RORB: variants seen among roughly 807,000 people sequenced by gnomAD.
RORB encodes nuclear receptor ROR-beta.
Under a neutral mutation model 59.1 loss-of-function variants are expected in RORB, and 6 were observed. The observed-to-expected ratio is 0.10, with a 90% confidence interval of 0.06 to 0.20. The LOEUF (loss-of-function observed/expected upper bound fraction) is 0.20, where lower values mean the gene tolerates loss of function less well. Among genes scored for constraint, RORB ranks in the 10% least tolerant of loss-of-function variants. The pLI, the probability that RORB is intolerant of heterozygous loss-of-function variation, is 1.00. For missense variants in RORB, 320 were observed against 560.5 expected, an observed-to-expected ratio of 0.57 and a Z score of 4.33; for synonymous variants, 215 against 204.5, an observed-to-expected ratio of 1.05 and a Z score of -0.44.
At chr9:74,603,120 G>A (rs571283946) in intron 1 of RORB, among the ~76,000 whole-genome samples, 1 of 152,282 alleles carries the variant, frequency 6.6e-6, no homozygotes, top group East Asian at 1.9e-4. Context: ...AGCTCTATTT[G>A]ATACATGATC....
chr9:74,658,394 T>G (rs917249450), intron 4 of RORB, among the ~76,000 whole-genome samples: 5 of 152,206 alleles, frequency 3.3e-5, no homozygotes, highest in Non-Finnish European at 7.3e-5. Flanking sequence ...CCCACGTATT[T>G]ATTGTACCTA....
At chr9:74,616,078 A>G (rs1361064070) in intron 1 of RORB, among the ~76,000 whole-genome samples, 1 of 152,190 alleles carries the variant, frequency 6.6e-6, no homozygotes, top group Non-Finnish European at 1.5e-5. Flanking sequence ...ATATGTAAAA[A>G]ATATATTTTC....
chr9:74,600,558 T>C (rs1237396247), intron 1 of RORB, among the ~76,000 whole-genome samples: 1 of 152,200 alleles, frequency 6.6e-6, no homozygotes, highest in Non-Finnish European at 1.5e-5. Context: ...TCATTTCAGA[T>C]CTTCCTCTGA....
intron 1 of RORB, among the ~76,000 whole-genome samples, chr9:74,524,014 T>TC (rs1826119743): frequency 6.6e-6 from 1 of 150,944 alleles, no homozygotes; most frequent in Non-Finnish European, 1.5e-5. Context: ...TTTTTTTTTT[T>TC]TTTTTTTTTA....
At chr9:74,657,174 T>C (rs1053377886) in intron 4 of RORB, among the ~76,000 whole-genome samples, 1 of 152,196 alleles carries the variant, frequency 6.6e-6, no homozygotes, top group Non-Finnish European at 1.5e-5. Context: ...GCCTCTTGAG[T>C]AGCTGGAATT....
intron 1 of RORB, among the ~76,000 whole-genome samples, chr9:74,520,192 T>C (rs1004116091): frequency 6.6e-6 from 1 of 151,814 alleles, no homozygotes; most frequent in African/African-American, 2.4e-5. Flanking sequence ...GTGGGAGGGA[T>C]AGGACCAGAC....
intron 1 of RORB, among the ~76,000 whole-genome samples, chr9:74,549,573 G>T (rs933438441): frequency 1.1e-5 from 1 of 87,030 alleles, no homozygotes; most frequent in South Asian, 4.1e-4. Context: ...AGGAAGGAAG[G>T]AAGGAAGGAA....
At chr9:74,660,840 T>A in intron 5 of RORB, 102 bp downstream of exon 5, 2 of 1,233,906 alleles carry the variant, frequency 1.6e-6, no homozygotes, top group Non-Finnish European at 2.2e-6. Context: ...TTCTTTTCTG[T>A]AAGGGCATCC....
chr9:74,503,861 G>A (rs1047162567), intron 1 of RORB, among the ~76,000 whole-genome samples: 4 of 151,948 alleles, frequency 2.6e-5, no homozygotes, highest in Non-Finnish European at 1.5e-5. Flanking sequence ...CTTTCATAGC[G>A]CATATGCTGC....
intron 1 of RORB, among the ~76,000 whole-genome samples, chr9:74,611,064 T>C (rs576245980): frequency 6.6e-6 from 1 of 152,302 alleles, no homozygotes; most frequent in African/African-American, 2.4e-5. Context: ...GTTGGAGAAC[T>C]TTTCTGTCCC....
intron 1 of RORB, among the ~76,000 whole-genome samples, chr9:74,579,816 C>A (rs1257833707): frequency 3.3e-5 from 5 of 152,132 alleles, no homozygotes; most frequent in Admixed American, 1.3e-4. Flanking sequence ...CTTATCTGAC[C>A]ACAGAACATT....
At chr9:74,516,432 G>A (rs1826011578) in intron 1 of RORB, among the ~76,000 whole-genome samples, 1 of 151,958 alleles carries the variant, frequency 6.6e-6, no homozygotes, top group Admixed American at 6.6e-5. Flanking sequence ...GTTCTCACTG[G>A]GAAGCAGAGA....
intron 1 of RORB, among the ~76,000 whole-genome samples, chr9:74,514,708 T>A (rs1219953732): frequency 2.0e-5 from 3 of 149,492 alleles, no homozygotes; most frequent in African/African-American, 7.3e-5. Context: ...GTAAAATGAA[T>A]GATAGAGGAG....
At chr9:74,506,218 G>A (rs758768114) in intron 1 of RORB, among the ~76,000 whole-genome samples, 11 of 151,916 alleles carry the variant, frequency 7.2e-5, no homozygotes, top group Non-Finnish European at 1.0e-4. Context: ...TATGTAGGCC[G>A]TATCTGAAGG....
chr9:74,615,592 A>G, intron 1 of RORB: 1 of 454,158 alleles, frequency 2.2e-6, no homozygotes, highest in South Asian at 1.6e-5. Context: ...TTTAATTGCT[A>G]CGTCAAAATG....
At chr9:74,641,914 A>G (rs1823813530) in intron 3 of RORB, among the ~76,000 whole-genome samples, 1 of 152,106 alleles carries the variant, frequency 6.6e-6, no homozygotes. Context: ...CTCTTAAAGA[A>G]AATTATTATA....
intron 1 of RORB, among the ~76,000 whole-genome samples, chr9:74,617,519 A>G (rs189248644): frequency 1.3e-5 from 2 of 152,314 alleles, no homozygotes; most frequent in African/African-American, 4.8e-5. Context: ...TGATGCGCTC[A>G]AATATAAGAT....
chr9:74,597,166 C>A (rs1453363974), intron 1 of RORB, among the ~76,000 whole-genome samples: 4 of 152,194 alleles, frequency 2.6e-5, no homozygotes, highest in African/African-American at 7.2e-5. Context: ...TAGGAGACTA[C>A]GTTTTGAGAA....
intron 1 of RORB, among the ~76,000 whole-genome samples, chr9:74,533,239 T>G (rs1232990590): frequency 2.6e-5 from 4 of 151,974 alleles, no homozygotes; most frequent in Admixed American, 6.6e-5. Context: ...TGATAGATGT[T>G]TCCCCTGAGA....
Sources: gnomAD v4.1 joint callset for allele counts (sites outside exome capture counted in the v4.1 genomes callset) on GRCh38, gnomAD v4.1.1 for gene constraint, MANE v1.5 for transcripts, NCBI Gene and HGNC (gene_info 2026-07-23, HGNC 2026-07-21) for gene names.